Variants in SIPA1L2 observed in about 807,000 individuals in gnomAD.
The protein encoded by SIPA1L2 is signal-induced proliferation-associated 1-like protein 2.
SIPA1L2 carries 56 observed loss-of-function variants against 163.9 expected under a neutral mutation model. The ratio of observed to expected loss-of-function variants is 0.34; its 90% CI spans 0.28 to 0.43. The LOEUF (loss-of-function observed/expected upper bound fraction) is 0.43, where lower values mean the gene tolerates loss of function less well. SIPA1L2 is among the 20% of genes least tolerant of loss of function. The probability of loss-of-function intolerance (pLI) is 1.00; values close to 1 mark genes in which losing one functional copy is unlikely to be tolerated. For synonymous variants in SIPA1L2, 877 were observed against 865.7 expected, an observed-to-expected ratio of 1.01 and a Z score of -0.23; for missense variants, 1,974 against 2,193.5, an observed-to-expected ratio of 0.90 and a Z score of 2.00.
intron 2 of SIPA1L2, among the ~76,000 whole-genome samples, chr1:232,520,886 A>C (rs560553929): frequency 1.3e-5 from 2 of 152,218 alleles, no homozygotes; most frequent in African/African-American, 4.8e-5. Context: ...CCTGGTATTA[A>C]GTGAAATTAT....
intron 1 of SIPA1L2, among the ~76,000 whole-genome samples, chr1:232,612,666 T>C (rs946786126): frequency 9.2e-5 from 14 of 152,180 alleles, no homozygotes; most frequent in South Asian, 8.3e-4. Flanking sequence ...TATATCCCCA[T>C]TGTATCTAAG....
intron 18 of SIPA1L2, among the ~76,000 whole-genome samples, chr1:232,422,992 C>A (rs931607097): frequency 1.3e-5 from 2 of 152,182 alleles, no homozygotes; most frequent in Non-Finnish European, 2.9e-5. Context: ...CGGTAGAAAT[C>A]ATAATTCAAA....
chr1:232,427,950 C>T (rs116400951), intron 17 of SIPA1L2, among the ~76,000 whole-genome samples: 140 of 152,314 alleles, frequency 9.2e-4, no homozygotes, highest in African/African-American at 3.3e-3. Flanking sequence ...GAACAAAAGT[C>T]AGGTGGTGTG....
At chr1:232,408,750 G>A (rs572652570) in intron 19 of SIPA1L2, among the ~76,000 whole-genome samples, 2 of 151,994 alleles carry the variant, frequency 1.3e-5, no homozygotes, top group Admixed American at 6.6e-5. Flanking sequence ...GTTCCTTTAC[G>A]TACTTTAGGT....
intron 18 of SIPA1L2, among the ~76,000 whole-genome samples, chr1:232,420,254 T>C (rs959384726): frequency 2.0e-5 from 3 of 148,642 alleles, no homozygotes; most frequent in Non-Finnish European, 3.0e-5. Flanking sequence ...ACCCGGGAGG[T>C]GGTGGCTGCA....
At chr1:232,435,161 C>A (rs1455725256) in intron 15 of SIPA1L2, among the ~76,000 whole-genome samples, 1 of 152,178 alleles carries the variant, frequency 6.6e-6, no homozygotes, top group Non-Finnish European at 1.5e-5. Flanking sequence ...TAATAAGCTG[C>A]ATGTGTGTAG....
chr1:232,557,403 G>C (rs887652896), intron 2 of SIPA1L2, among the ~76,000 whole-genome samples: 8 of 152,090 alleles, frequency 5.3e-5, no homozygotes, highest in Non-Finnish European at 1.2e-4. Flanking sequence ...TTTGGTCAAA[G>C]GTTACAAAAA....
intron 1 of SIPA1L2, among the ~76,000 whole-genome samples, chr1:232,609,391 T>C (rs1662122528): frequency 6.6e-6 from 1 of 152,232 alleles, no homozygotes; most frequent in Admixed American, 6.5e-5. Flanking sequence ...CAATTTCTTC[T>C]TCCATTTCCA....
At chr1:232,472,653 A>C (rs1664857337) in intron 7 of SIPA1L2, among the ~76,000 whole-genome samples, 1 of 152,170 alleles carries the variant, frequency 6.6e-6, no homozygotes, top group Non-Finnish European at 1.5e-5. Flanking sequence ...ATCCTTACAC[A>C]ACTTGGTGAT....
intron 19 of SIPA1L2, 107 bp downstream of exon 19, chr1:232,415,387 T>C (rs543846277): frequency 2.6e-5 from 36 of 1,376,932 alleles, no homozygotes; most frequent in Non-Finnish European, 3.1e-5. Flanking sequence ...ATTCAAAACT[T>C]TGACCAGACG....
intron 2 of SIPA1L2, among the ~76,000 whole-genome samples, chr1:232,543,406 T>C (rs1657815005): frequency 6.6e-6 from 1 of 152,192 alleles, no homozygotes. Context: ...CCTGGCCCCT[T>C]CCACCTCCTC....
At chr1:232,588,383 T>C (rs1660782166) in intron 1 of SIPA1L2, among the ~76,000 whole-genome samples, 1 of 152,142 alleles carries the variant, frequency 6.6e-6, no homozygotes, top group African/African-American at 2.4e-5. Flanking sequence ...TTCTTAAAAC[T>C]TGAATAACCA....
chr1:232,446,864 A>T (rs1663247749), intron 10 of SIPA1L2, among the ~76,000 whole-genome samples: 1 of 152,216 alleles, frequency 6.6e-6, no homozygotes, highest in Non-Finnish European at 1.5e-5. Flanking sequence ...TCACAGAGCC[A>T]CCCAGAGTCC....
intron 1 of SIPA1L2, among the ~76,000 whole-genome samples, chr1:232,583,129 G>A (rs921417688): frequency 3.9e-5 from 6 of 152,152 alleles, no homozygotes; most frequent in African/African-American, 1.2e-4. Context: ...AAAGGGTGGA[G>A]CAGTGAAAAG....
chr1:232,583,340 G>T (rs1041605146), intron 1 of SIPA1L2, among the ~76,000 whole-genome samples: 2 of 152,124 alleles, frequency 1.3e-5, no homozygotes, highest in Non-Finnish European at 2.9e-5. Context: ...GCTGATACAG[G>T]TTTTTCCATC....
chr1:232,619,277 C>T (rs1413602126), intron 1 of SIPA1L2, among the ~76,000 whole-genome samples: 1 of 152,204 alleles, frequency 6.6e-6, no homozygotes, highest in African/African-American at 2.4e-5. Flanking sequence ...CCTAACCATG[C>T]AAACCCACCT....
At chr1:232,543,464 C>A (rs1035505691) in intron 2 of SIPA1L2, among the ~76,000 whole-genome samples, 1 of 38,368 alleles carries the variant, frequency 2.6e-5, no homozygotes, top group African/African-American at 1.9e-4. Context: ...TCTGCCTACT[C>A]GATGTGAAGA....
chr1:232,540,729 G>A (rs1573050908), intron 2 of SIPA1L2, among the ~76,000 whole-genome samples: 1 of 152,144 alleles, frequency 6.6e-6, no homozygotes, highest in African/African-American at 2.4e-5. Flanking sequence ...AAATGCAAGA[G>A]AGAGAGAGAA....
intron 12 of SIPA1L2, 54 bp downstream of exon 12, chr1:232,443,548 G>A (rs1230693868): frequency 5.7e-6 from 8 of 1,405,712 alleles, no homozygotes; most frequent in Non-Finnish European, 7.7e-6. Flanking sequence ...TTTTCAATGA[G>A]TCACAGAAAA....
Sources: allele counts gnomAD v4.1 joint callset (sites outside exome capture counted in the v4.1 genomes callset), GRCh38; gene constraint gnomAD v4.1.1; transcripts MANE v1.5; gene names NCBI Gene and HGNC (gene_info 2026-07-23, HGNC 2026-07-21).